Variants in LRRC37A observed in about 807,000 individuals in gnomAD.
LRRC37A encodes the protein leucine rich repeat containing 37A.
Under a neutral mutation model 35.4 loss-of-function variants are expected in LRRC37A, and 3 were observed. The observed-to-expected ratio is 0.08, with a 90% CI of 0.04 to 0.22. LRRC37A has a LOEUF of 0.22. Ranked by LOEUF, LRRC37A falls within the 10% of genes least tolerant of loss-of-function variation. LRRC37A has a pLI of 1.00. For synonymous variants in LRRC37A, 23 were observed against 215.0 expected (o/e 0.11, Z 7.81); for missense variants, 67 against 565.3 (o/e 0.12, Z 8.94).
the LRRC37A span, among the ~76,000 whole-genome samples, chr17:46,267,893 C>CTTTTTTTTTTTTTTTTTTTTTTTTT: frequency 9.0e-5 from 8 of 89,248 alleles, no homozygotes; most frequent in Admixed American, 2.3e-4. Flanking sequence ...ACTCCCACAT[C>CTTTTTTTTTTTTTTTTTTTTTTTTT]TTTTTTTTTT....
chr17:46,268,429 C>G, the LRRC37A span: 1 of 1,104,244 alleles, frequency 9.1e-7, no homozygotes, highest in Non-Finnish European at 1.2e-6. Context: ...TTAGGTATTT[C>G]TTAAAGGCCT....
chr17:46,266,872 G>C, the LRRC37A span, among the ~76,000 whole-genome samples: 1 of 149,296 alleles, frequency 6.7e-6, no homozygotes, highest in Non-Finnish European at 1.5e-5. Context: ...GCGGGCCCGC[G>C]ACGGAGGAAG....
chr17:46,300,033 G>A (rs1264733987), intron 2 of LRRC37A, among the ~76,000 whole-genome samples, 168 bp downstream of exon 2: 2 of 37,926 alleles, frequency 5.3e-5, no homozygotes, highest in African/African-American at 1.1e-4. Context: ...AAATTTGGTA[G>A]GCTCTCTTTA....
the LRRC37A span, chr17:46,268,730 A>G: frequency 1.5e-6 from 2 of 1,370,278 alleles, no homozygotes; most frequent in Non-Finnish European, 1.9e-6. Flanking sequence ...CACAAGAGAC[A>G]TCGGCAACAA....
chr17:46,279,549 T>C, the LRRC37A span, among the ~76,000 whole-genome samples: 39 of 148,202 alleles, frequency 2.6e-4, no homozygotes, highest in African/African-American at 8.5e-4. Context: ...TCGTCCAGGC[T>C]GGAGTGTAGT....
At chr17:46,274,970 A>G in the LRRC37A span, 1 of 156,268 alleles carries the variant, frequency 6.4e-6, no homozygotes. Context: ...TCGGCTCAAT[A>G]CAACCTCTGC....
At chr17:46,290,481 T>C (rs923741313), upstream of LRRC37A, among the ~76,000 whole-genome samples, 2 of 152,236 alleles carry the variant, frequency 1.3e-5, no homozygotes, top group Non-Finnish European at 2.9e-5. Flanking sequence ...TGTTTCGAGA[T>C]GGAGTCTCGC....
At chr17:46,265,288 CTTCTTCTTCTTCTTCTTCT>C in the LRRC37A span, among the ~76,000 whole-genome samples, 1 of 108,902 alleles carries the variant, frequency 9.2e-6, no homozygotes, top group African/African-American at 2.7e-5. Context: ...TCTTCTTCTT[CTTCTTCTTCTTCTTCTTCT>C]TCTTCTTCCT....
At chr17:46,265,922 C>A in the LRRC37A span, among the ~76,000 whole-genome samples, 1 of 152,254 alleles carries the variant, frequency 6.6e-6, no homozygotes, top group African/African-American at 2.4e-5. Context: ...CACGGTGAAA[C>A]CCCGTCTCTG....
chr17:46,280,865 C>T, the LRRC37A span, among the ~76,000 whole-genome samples: 4 of 152,178 alleles, frequency 2.6e-5, no homozygotes, highest in East Asian at 3.8e-4. Context: ...TAAGCCATTT[C>T]GTGTCTGGCC....
At chr17:46,249,929 C>G in the LRRC37A span, among the ~76,000 whole-genome samples, 2 of 152,176 alleles carry the variant, frequency 1.3e-5, no homozygotes, top group Non-Finnish European at 2.9e-5. Flanking sequence ...CTCAGCCTCC[C>G]GAGTAACTGG....
chr17:46,254,680 T>C, the LRRC37A span, among the ~76,000 whole-genome samples: 2 of 151,786 alleles, frequency 1.3e-5, no homozygotes, highest in African/African-American at 4.8e-5. Context: ...TAGCTGGGAT[T>C]ACAGGCATGT....
At chr17:46,326,223 C>G (rs1049855253) in intron 7 of LRRC37A, among the ~76,000 whole-genome samples, 1 of 15,378 alleles carries the variant, frequency 6.5e-5, no homozygotes, top group African/African-American at 9.7e-5. Flanking sequence ...GATTGCACCA[C>G]TGCACTCAGC....
chr17:46,254,299 T>A, the LRRC37A span, among the ~76,000 whole-genome samples: 1 of 134,556 alleles, frequency 7.4e-6, no homozygotes, highest in Non-Finnish European at 1.8e-5. Context: ...CGGGACTCAG[T>A]GGGTCCAGAG....
rs576392702 is a variant in LRRC37A, at chr17:46,308,197, A to T, written c.2906+1888A>T. ...ACTGTACTAAGTGCTGGGGCTACAA[A>T]ATCCATCTCAAAGACACACCAAGAT... On this transcript the variant is annotated intron_variant, in intron 5 of 13. Coordinates refer to ENST00000320254, the Ensembl canonical transcript of LRRC37A. Among the ~76,000 whole-genome samples the T allele has an allele frequency of 3.4e-3, 116 of 34,296 alleles. 26 individuals carry two copies. Among genetic ancestry groups the T allele is most frequent in the Non-Finnish European group, 9.0e-3 (97 of 10,722 alleles). The allele number at this position is 34,296 out of a possible 152,430, so 22.5% of individuals were successfully genotyped here. A position where few individuals can be genotyped will look rare whatever the true frequency, so the allele number is the denominator to read the frequency against.
At chr17:46,254,003 G>C in the LRRC37A span, among the ~76,000 whole-genome samples, 1 of 152,348 alleles carries the variant, frequency 6.6e-6, no homozygotes, top group South Asian at 2.1e-4. Context: ...GAGGCGGCCA[G>C]CAGAGGGCGC....
the LRRC37A span, among the ~76,000 whole-genome samples, chr17:46,264,274 TTA>T: frequency 2.5e-3 from 376 of 152,252 alleles, 2 homozygotes; most frequent in African/African-American, 8.0e-3. Context: ...TACAAATTCT[TTA>T]TTATACAACA....
rs1567862260 is a variant in LRRC37A, at chr17:46,300,577, ATT to A, written c.2681+714_2681+715del. Among the ~76,000 whole-genome samples, 2 of 42,678 alleles carry A rather than the reference ATT, an allele frequency of 4.7e-5. 1 individual carries two copies. The highest frequency in any genetic ancestry group is 1.4e-4 in the Non-Finnish European group (2 of 13,892). The allele number at this position is 42,678 out of a possible 152,430, so 28.0% of individuals were successfully genotyped here. A position where few individuals can be genotyped will look rare whatever the true frequency, so the allele number is the denominator to read the frequency against. On this transcript the variant is annotated intron_variant, in intron 2 of 13. Transcript: ENST00000320254. ...TACATATTTACATAAAGCAAAATAG[ATT>A]TGTTTTGTGGTTTTAAAATTTTTTC...
the LRRC37A span, among the ~76,000 whole-genome samples, chr17:46,284,565 T>G: frequency 3.5e-4 from 53 of 152,354 alleles, no homozygotes; most frequent in African/African-American, 1.2e-3. Flanking sequence ...ATCTGATCTC[T>G]CTTTCTTTTC....
Sources: gnomAD v4.1 joint callset for allele counts (sites outside exome capture counted in the v4.1 genomes callset) on GRCh38, gnomAD v4.1.1 for gene constraint, MANE v1.5 for transcripts, NCBI Gene and HGNC (gene_info 2026-07-23, HGNC 2026-07-21) for gene names.